The following CPQ variants were observed in gnomAD, a reference collection of about 807,000 sequenced individuals.
The protein encoded by CPQ is carboxypeptidase Q, also known as Ser-Met dipeptidase.
In CPQ, 37 loss-of-function variants were observed where a neutral mutation model predicts 45.7. The observed-to-expected ratio is 0.81, with a 90% CI of 0.62 to 1.07. CPQ has a LOEUF of 1.07. CPQ is among the 50% of genes least tolerant of loss of function. CPQ has a pLI of 0.00. For synonymous variants in CPQ, 186 were observed against 205.8 expected, an observed-to-expected ratio of 0.90 and a Z score of 0.82; for missense variants, 537 against 572.9, an observed-to-expected ratio of 0.94 and a Z score of 0.64.
At chr8:96,727,958 G>A (rs962279569) in intron 1 of CPQ, among the ~76,000 whole-genome samples, 14 of 152,172 alleles carry the variant, frequency 9.2e-5, no homozygotes, top group Non-Finnish European at 7.4e-5. Context: ...TTTCTGACCT[G>A]GATTCAACCC....
chr8:97,031,902 T>G (rs1207671024), intron 6 of CPQ, among the ~76,000 whole-genome samples: 1 of 152,236 alleles, frequency 6.6e-6, no homozygotes, highest in East Asian at 1.9e-4. Context: ...ATGCTTTACA[T>G]GATACAGCCA....
At chr8:97,091,060 T>C (rs946575194) in intron 7 of CPQ, among the ~76,000 whole-genome samples, 1 of 152,118 alleles carries the variant, frequency 6.6e-6, no homozygotes, top group Admixed American at 6.6e-5. Context: ...AAAAGGGTGT[T>C]AGAAGGGCTT....
At chr8:97,109,444 G>C (rs1286392396) in intron 7 of CPQ, among the ~76,000 whole-genome samples, 1 of 151,966 alleles carries the variant, frequency 6.6e-6, no homozygotes, top group African/African-American at 2.4e-5. Context: ...TGTCTGTCAG[G>C]GGTTCTCATT....
At chr8:96,664,496 G>T (rs150022742) in intron 1 of CPQ, among the ~76,000 whole-genome samples, 2 of 152,174 alleles carry the variant, frequency 1.3e-5, no homozygotes, top group Non-Finnish European at 2.9e-5. Context: ...AATTTGATAC[G>T]TGTCAACTGA....
chr8:96,907,634 C>T (rs1812595848), intron 4 of CPQ, among the ~76,000 whole-genome samples: 1 of 152,042 alleles, frequency 6.6e-6, no homozygotes, highest in African/African-American at 2.4e-5. Context: ...AGAGCTACTA[C>T]TGTGCTGTGG....
At chr8:96,987,376 A>G (rs578199125) in intron 5 of CPQ, among the ~76,000 whole-genome samples, 1 of 152,288 alleles carries the variant, frequency 6.6e-6, no homozygotes, top group African/African-American at 2.4e-5. Flanking sequence ...GAACCAATCT[A>G]CAGAGGCCCT....
Position 97,029,318 on chromosome 8 carries a change from A to G in CPQ, c.962-85A>G, listed in dbSNP as rs1477561116. On this transcript the variant is annotated intron_variant, in intron 5 of 7. Coordinates refer to ENST00000220763, the MANE Select transcript of CPQ (RefSeq NM_016134.4). Reference sequence around the variant, plus strand: ...ATGCCTCTGATTTCCTCCTTCCTCCACAAGGCAGATGAGGGACCCTGCCAT... The same window carrying G: ...ATGCCTCTGATTTCCTCCTTCCTCCGCAAGGCAGATGAGGGACCCTGCCAT... 2.3e-6 allele frequency: 3 copies of G among 1,309,414 alleles called. No individual in the cohort carries two copies. The East Asian group carries it at 7.6e-5, about 33-fold the overall frequency. The allele number at this position is 1,309,414 out of a possible 1,614,324, so 81.1% of individuals were successfully genotyped here. A position where few individuals can be genotyped will look rare whatever the true frequency, so the allele number is the denominator to read the frequency against.
chr8:96,753,501 T>TAATCACTTTTATAATTAGTGATTTTC (rs201955603), intron 1 of CPQ, among the ~76,000 whole-genome samples: 2 of 151,578 alleles, frequency 1.3e-5, no homozygotes, highest in African/African-American at 4.8e-5. Context: ...TATCTTTCCA[T>TAATCACTTTTATAATTAGTGATTTTC]TTGTTTAAGT....
chr8:96,661,111 A>G (rs1326162648), intron 1 of CPQ, among the ~76,000 whole-genome samples: 1 of 152,218 alleles, frequency 6.6e-6, no homozygotes, highest in Admixed American at 6.5e-5. Flanking sequence ...AAGAAATGCT[A>G]ATATTTTTAT....
intron 5 of CPQ, among the ~76,000 whole-genome samples, chr8:96,976,235 C>A (rs1813777742): frequency 1.2e-5 from 1 of 86,528 alleles, no homozygotes; most frequent in Non-Finnish European, 2.2e-5. Flanking sequence ...CAACCCCTTT[C>A]ACAATAGCTG....
At position 97,143,094 on chromosome 8, in the gene CPQ, G is replaced by A; in HGVS notation, c.1330G>A (p.Asp444Asn). ...CCACGGAGACACCATGACTGTCATG[G>A]ATCCAAAGCAGATGAATGTTGCTGC... ...HSHGDTMTVM[D>N]PKQMNVAAAV... The change falls in exon 8 of 8, where the codon GAT (aspartate) becomes AAT (asparagine). Residue 444 changes from aspartate (D) to asparagine (N), a missense_variant. By Grantham distance (23) the Asp-to-Asn change is conservative (BLOSUM62 1). Coordinates refer to ENST00000220763, the MANE Select transcript of CPQ (RefSeq NM_016134.4). 6.2e-7 allele frequency: 1 copy of A among 1,613,960 alleles called. No individual in the cohort carries two copies. The highest frequency in any genetic ancestry group is 1.1e-5 in the South Asian group (1 of 91,066).
rs565039130 is a variant in CPQ, at chr8:96,902,002, A to G, written c.849+21997A>G. On this transcript the variant is annotated intron_variant, in intron 4 of 7. Transcript: ENST00000220763. ...CGTTCCAGGAATTCAGCTTAATAAG[A>G]CTACACAGACCAGGACTGAGAGGTT... is the stretch of plus-strand genomic sequence containing the variant. 1.6e-3 allele frequency among the ~76,000 whole-genome samples: 248 copies of G among 152,302 alleles called. 1 individual carries two copies. The highest frequency in any genetic ancestry group is 5.6e-3 in the African/African-American group (231 of 41,578).
intron 2 of CPQ, among the ~76,000 whole-genome samples, chr8:96,804,468 A>G (rs1586407524): frequency 6.6e-6 from 1 of 152,310 alleles, no homozygotes; most frequent in East Asian, 1.9e-4. Context: ...TCTCTGAACT[A>G]TCTAGGGTTA....
At chr8:96,959,904 A>AC (rs1473514436) in intron 4 of CPQ, among the ~76,000 whole-genome samples, 1 of 151,638 alleles carries the variant, frequency 6.6e-6, no homozygotes, top group Non-Finnish European at 1.5e-5. Flanking sequence ...AAAAAAAAAA[A>AC]AAAAAACCAA....
At chr8:96,672,660 C>T (rs774523324) in intron 1 of CPQ, among the ~76,000 whole-genome samples, 4 of 151,708 alleles carry the variant, frequency 2.6e-5, no homozygotes, top group Non-Finnish European at 4.4e-5. Context: ...TGCCTGTAAT[C>T]CTAGATACTC....
At chr8:96,807,334 C>T (rs1305108788) in intron 2 of CPQ, among the ~76,000 whole-genome samples, 3 of 152,118 alleles carry the variant, frequency 2.0e-5, no homozygotes, top group African/African-American at 4.8e-5. Flanking sequence ...CCCAGGTTCA[C>T]GCCATTCTCC....
At chr8:97,060,982 A>G (rs1810540386) in intron 6 of CPQ, among the ~76,000 whole-genome samples, 1 of 152,204 alleles carries the variant, frequency 6.6e-6, no homozygotes, top group African/African-American at 2.4e-5. Flanking sequence ...AAATGTAGAG[A>G]AAAAGCAGTG....
chr8:96,830,683 C>T (rs2130845362), intron 2 of CPQ, among the ~76,000 whole-genome samples: 1 of 152,136 alleles, frequency 6.6e-6, no homozygotes, highest in Non-Finnish European at 1.5e-5. Flanking sequence ...TGACTCCTGT[C>T]CTAGGATGAA....
intron 7 of CPQ, among the ~76,000 whole-genome samples, chr8:97,097,235 C>A (rs1234457646): frequency 6.6e-6 from 1 of 152,014 alleles, no homozygotes; most frequent in Non-Finnish European, 1.5e-5. Context: ...TTTCTAAGGT[C>A]AAATTCCTAA....
Sources: gnomAD v4.1 joint callset for allele counts (sites outside exome capture counted in the v4.1 genomes callset) on GRCh38, gnomAD v4.1.1 for gene constraint, MANE v1.5 for transcripts, NCBI Gene and HGNC (gene_info 2026-07-23, HGNC 2026-07-21) for gene names.